Variants in SUPT3H observed in about 807,000 individuals in gnomAD.
SUPT3H encodes SPT3 homolog, SAGA and STAGA complex component.
A neutral mutation model predicts 44.3 loss-of-function variants in SUPT3H; 44 were observed. The ratio of observed to expected loss-of-function variants is 0.99; its 90% CI spans 0.78 to 1.28. SUPT3H has a LOEUF of 1.28. Ranked by LOEUF, SUPT3H falls within the 50% of genes most tolerant of loss-of-function variation. The probability of loss-of-function intolerance (pLI) is 0.00; values close to 1 mark genes in which losing one functional copy is unlikely to be tolerated. For missense variants in SUPT3H, 380 were observed against 387.1 expected, an observed-to-expected ratio of 0.98 and a Z score of 0.15; for synonymous variants, 124 against 125.6, an observed-to-expected ratio of 0.99 and a Z score of 0.09.
chr6:45,139,065 T>C (rs1554261065), intron 2 of SUPT3H, among the ~76,000 whole-genome samples: 1 of 152,154 alleles, frequency 6.6e-6, no homozygotes, highest in Non-Finnish European at 1.5e-5. Context: ...CAGTGCCTAT[T>C]AAAAGTCTAC....
At chr6:44,920,006 G>A (rs1457765814) in intron 10 of SUPT3H, among the ~76,000 whole-genome samples, 1 of 151,994 alleles carries the variant, frequency 6.6e-6, no homozygotes, top group Non-Finnish European at 1.5e-5. Flanking sequence ...AGCCTCCCGA[G>A]TAGCTGGGAT....
chr6:44,809,733 T>C (rs1420415713), intron 11 of SUPT3H, among the ~76,000 whole-genome samples: 1 of 152,208 alleles, frequency 6.6e-6, no homozygotes, highest in East Asian at 1.9e-4. Flanking sequence ...TGCTGGTTTT[T>C]CCATAATCCA....
chr6:45,271,281 C>T (rs1562836221), intron 2 of SUPT3H, among the ~76,000 whole-genome samples: 1 of 152,134 alleles, frequency 6.6e-6, no homozygotes, highest in Non-Finnish European at 1.5e-5. Flanking sequence ...TGTCAGAGGC[C>T]TTCACGGAAT....
At chr6:45,296,981 G>GGTGAT (rs1390832808) in intron 2 of SUPT3H, among the ~76,000 whole-genome samples, 7 of 149,102 alleles carry the variant, frequency 4.7e-5, no homozygotes, top group Middle Eastern at 3.6e-3. Flanking sequence ...AATCTGCTCA[G>GGTGAT]GTGATGAGTA....
At chr6:45,304,859 T>G (rs1782739554) in intron 2 of SUPT3H, among the ~76,000 whole-genome samples, 1 of 152,082 alleles carries the variant, frequency 6.6e-6, no homozygotes, top group African/African-American at 2.4e-5. Flanking sequence ...GTACTTAAAA[T>G]GAAAACCCAC....
intron 2 of SUPT3H, among the ~76,000 whole-genome samples, chr6:45,176,843 C>A (rs1812020979): frequency 6.6e-6 from 1 of 152,178 alleles, no homozygotes; most frequent in Non-Finnish European, 1.5e-5. Context: ...CTCCAACAGA[C>A]CTGCAGCTGA....
intron 5 of SUPT3H, among the ~76,000 whole-genome samples, chr6:45,014,590 G>C (rs1425215182): frequency 6.6e-6 from 1 of 152,086 alleles, no homozygotes; most frequent in Non-Finnish European, 1.5e-5. Flanking sequence ...TCAAGAATTA[G>C]AATCTATGAG....
intron 2 of SUPT3H, among the ~76,000 whole-genome samples, chr6:45,273,373 G>A (rs1269854274): frequency 6.6e-6 from 1 of 151,978 alleles, no homozygotes; most frequent in Non-Finnish European, 1.5e-5. Flanking sequence ...TATACTTCTT[G>A]TGAAGCATCA....
At chr6:45,309,936 AACCAGCAATCCTGAGAGG>A (rs941571455) in intron 2 of SUPT3H, among the ~76,000 whole-genome samples, 5 of 152,164 alleles carry the variant, frequency 3.3e-5, no homozygotes, top group African/African-American at 1.2e-4. Flanking sequence ...TGCAGGAACA[AACCAGCAATCCTGAGAGG>A]ACCCACAGAA....
chr6:44,910,763 G>A (rs1436964213), intron 10 of SUPT3H, among the ~76,000 whole-genome samples: 3 of 151,398 alleles, frequency 2.0e-5, no homozygotes, highest in Non-Finnish European at 2.9e-5. Context: ...TGAGGCCGAG[G>A]AGGGTGGATC....
chr6:45,045,285 C>A (rs1490436562), intron 3 of SUPT3H, among the ~76,000 whole-genome samples: 1 of 152,110 alleles, frequency 6.6e-6, no homozygotes, highest in Non-Finnish European at 1.5e-5. Flanking sequence ...AGAAATGAAA[C>A]TGCTTCCTCC....
chr6:44,845,474 A>G (rs940022611), intron 10 of SUPT3H, among the ~76,000 whole-genome samples: 2 of 152,204 alleles, frequency 1.3e-5, no homozygotes, highest in African/African-American at 4.8e-5. Context: ...GAAGAGGGGC[A>G]AAGAAGTGCT....
chr6:45,306,284 A>G (rs9369558), intron 2 of SUPT3H, among the ~76,000 whole-genome samples: 1 of 152,154 alleles, frequency 6.6e-6, no homozygotes, highest in African/African-American at 2.4e-5. Context: ...GTTAGGAGTA[A>G]AAGAGATCAC....
At chr6:44,981,289 T>C (rs77965267) in intron 6 of SUPT3H, among the ~76,000 whole-genome samples, 54 of 152,324 alleles carry the variant, frequency 3.5e-4, no homozygotes, top group East Asian at 1.9e-3. Flanking sequence ...GAAGAAGTCA[T>C]ATACCTGGAA....
At chr6:45,015,531 A>G (rs1784118121) in intron 4 of SUPT3H, among the ~76,000 whole-genome samples, 1 of 151,988 alleles carries the variant, frequency 6.6e-6, no homozygotes. Flanking sequence ...AAAGCTGTAC[A>G]CTTAGGCTAC....
rs185797158 is a variant in SUPT3H, at chr6:45,176,762, T to A, written c.102-70756A>T. Reference sequence around the variant, plus strand: ...CAGACTGCCTCCTCAAGTGGGTCCCTGACCCCTGACCCCCGAGCAGCCTAA... The same window carrying A: ...CAGACTGCCTCCTCAAGTGGGTCCCAGACCCCTGACCCCCGAGCAGCCTAA... On this transcript the variant is annotated intron_variant, in intron 2 of 10. Transcript: ENST00000371459. Among the ~76,000 whole-genome samples, 818 of 152,284 alleles carry A rather than the reference T, an allele frequency of 5.4e-3. 8 individuals carry two copies. The highest frequency in any genetic ancestry group is 0.019 in the African/African-American group (773 of 41,544).
chr6:45,309,385 A>G (rs1783612319), intron 2 of SUPT3H, among the ~76,000 whole-genome samples: 1 of 151,976 alleles, frequency 6.6e-6, no homozygotes, highest in African/African-American at 2.4e-5. Flanking sequence ...CTGAGTATCA[A>G]CAATATCAGA....
At chr6:45,154,448 T>A (rs536688011) in intron 2 of SUPT3H, among the ~76,000 whole-genome samples, 1 of 152,222 alleles carries the variant, frequency 6.6e-6, no homozygotes, top group African/African-American at 2.4e-5. Context: ...TCTCATCAAA[T>A]AATCAAGACC....
intron 3 of SUPT3H, among the ~76,000 whole-genome samples, chr6:45,062,826 C>G (rs1275779452): frequency 2.6e-5 from 4 of 152,030 alleles, no homozygotes; most frequent in Non-Finnish European, 5.9e-5. Flanking sequence ...ACGGAGTCTC[C>G]CTGATTGCTA....
Sources: gnomAD v4.1 joint callset for allele counts (sites outside exome capture counted in the v4.1 genomes callset) on GRCh38, gnomAD v4.1.1 for gene constraint, MANE v1.5 for transcripts, NCBI Gene and HGNC (gene_info 2026-07-23, HGNC 2026-07-21) for gene names.